Variants in EPB41L5 observed in about 807,000 individuals in gnomAD.
The protein encoded by EPB41L5 is band 4.1-like protein 5.
EPB41L5 carries 55 observed loss-of-function variants against 106.6 expected under a neutral mutation model. That is an observed-to-expected ratio of 0.52 (90% CI 0.42 to 0.65). EPB41L5 has a LOEUF of 0.65. EPB41L5 is among the 30% of genes least tolerant of loss of function. EPB41L5 has a pLI of 0.00. For missense variants in EPB41L5, 871 were observed against 882.1 expected, an observed-to-expected ratio of 0.99 and a Z score of 0.16; for synonymous variants, 297 against 306.7, an observed-to-expected ratio of 0.97 and a Z score of 0.33.
At chr2:120,075,349 G>T (rs530606597) in intron 5 of EPB41L5, 127 bp from the exon 6 acceptor site, 193 of 721,814 alleles carry the variant, frequency 2.7e-4, no homozygotes, top group Non-Finnish European at 3.6e-4. Context: ...CCCAAACTAT[G>T]CACATCTTTT....
chr2:120,170,016 T>C (rs981048537), intron 24 of EPB41L5, among the ~76,000 whole-genome samples: 4 of 152,206 alleles, frequency 2.6e-5, no homozygotes, highest in Admixed American at 2.6e-4. Context: ...GTGATTCTAT[T>C]TTTATATAAA....
Position 120,175,006 on chromosome 2 carries a change from T to C in EPB41L5, c.*99T>C. On this transcript the variant is annotated 3_prime_UTR_variant, in exon 25 of 25. Transcript: ENST00000263713. The stretch of plus-strand genomic sequence containing the variant: ...CAGGAGCTTGTCCATTATTTGTAGG[T>C]AAAAAAAGCTGCACGTAGATTTGAC... 1.7e-6 allele frequency: 2 copies of C among 1,172,590 alleles called. No individual in the cohort carries two copies. Among genetic ancestry groups the C allele is most frequent in the Non-Finnish European group, 2.6e-6 (2 of 782,890 alleles). 72.6% of individuals were successfully genotyped at this position (1,172,590 alleles called of 1,614,324 possible).
At chr2:120,084,083 G>A (rs1271850930) in intron 10 of EPB41L5, among the ~76,000 whole-genome samples, 3 of 152,120 alleles carry the variant, frequency 2.0e-5, no homozygotes, top group Non-Finnish European at 2.9e-5. Flanking sequence ...TTTAATTGGA[G>A]CATTTAGCCC....
Position 120,178,797 on chromosome 2 carries a change from A to T in EPB41L5, c.*3890A>T, listed in dbSNP as rs879718510. On this transcript the variant is annotated 3_prime_UTR_variant, in exon 25 of 25. Coordinates refer to ENST00000263713, the MANE Select transcript of EPB41L5 (RefSeq NM_020909.4). Reference sequence around the variant, plus strand: ...CTATGTCACCACATTGCTTGAGATGATCATTCAGTTACTTGTCAGGATTTC... The same window carrying T: ...CTATGTCACCACATTGCTTGAGATGTTCATTCAGTTACTTGTCAGGATTTC... The T allele has an allele frequency of 1.3e-5, 2 of 152,162 alleles. No individual in the cohort carries two copies. Among genetic ancestry groups the T allele is most frequent in the Non-Finnish European group, 2.9e-5 (2 of 68,032 alleles). 9.4% of individuals were successfully genotyped at this position (152,162 alleles called of 1,614,324 possible). A position where few individuals can be genotyped will look rare whatever the true frequency, so the allele number is the denominator to read the frequency against.
At chr2:120,081,800 A>C (rs1418523085) in intron 10 of EPB41L5, among the ~76,000 whole-genome samples, 1 of 152,152 alleles carries the variant, frequency 6.6e-6, no homozygotes. Context: ...AGTGGTTTGT[A>C]GTCCTCCTTG....
At chr2:120,104,163 C>G (rs1348908945) in intron 16 of EPB41L5, 9 of 1,535,930 alleles carry the variant, frequency 5.9e-6, no homozygotes, top group Non-Finnish European at 7.0e-6. Context: ...TGACTTTGTT[C>G]ATGAGCACAA....
At chr2:120,116,649 G>T (rs372766076) in intron 16 of EPB41L5, among the ~76,000 whole-genome samples, 1 of 151,930 alleles carries the variant, frequency 6.6e-6, no homozygotes, top group African/African-American at 2.4e-5. Flanking sequence ...CTCCCAAGTA[G>T]CTAGGACTAT....
At chr2:120,047,920 A>G (rs1679921439) in intron 3 of EPB41L5, among the ~76,000 whole-genome samples, 1 of 152,276 alleles carries the variant, frequency 6.6e-6, no homozygotes, top group Admixed American at 6.5e-5. Flanking sequence ...TGAGATAATC[A>G]TGTGTTTTTT....
At chr2:120,115,093 G>A (rs867220272) in intron 16 of EPB41L5, among the ~76,000 whole-genome samples, 5 of 151,704 alleles carry the variant, frequency 3.3e-5, no homozygotes, top group East Asian at 1.9e-4. Context: ...CCCTTTTTTC[G>A]TTAGTGTTTG....
chr2:120,150,363 C>T (rs1180529071), intron 20 of EPB41L5, among the ~76,000 whole-genome samples: 4 of 151,798 alleles, frequency 2.6e-5, no homozygotes, highest in Non-Finnish European at 5.9e-5. Context: ...GCTCAATCAC[C>T]CAGGCTGGAA....
At chr2:120,092,037 T>C (rs1033345764) in intron 13 of EPB41L5, among the ~76,000 whole-genome samples, 1 of 151,508 alleles carries the variant, frequency 6.6e-6, no homozygotes, top group Non-Finnish European at 1.5e-5. Context: ...TATTTATTTA[T>C]TTATTTATTT....
chr2:120,156,557 C>T (rs578122420), intron 20 of EPB41L5, among the ~76,000 whole-genome samples: 61 of 152,306 alleles, frequency 4.0e-4, no homozygotes, highest in African/African-American at 1.4e-3. Context: ...CATCAACTGC[C>T]ACTGCAGTCA....
At chr2:120,085,425 A>G (rs931912767) in intron 10 of EPB41L5, among the ~76,000 whole-genome samples, 22 of 152,214 alleles carry the variant, frequency 1.4e-4, no homozygotes. Flanking sequence ...AGAACAGCGA[A>G]TATTGCTGAA....
At chr2:120,112,953 T>G (rs1174569920) in intron 16 of EPB41L5, among the ~76,000 whole-genome samples, 1 of 152,232 alleles carries the variant, frequency 6.6e-6, no homozygotes, top group Non-Finnish European at 1.5e-5. Context: ...CCTTGGCTAC[T>G]GTACTGCCTC....
At chr2:120,131,064 G>A (rs1038947570) in intron 17 of EPB41L5, among the ~76,000 whole-genome samples, 1 of 152,182 alleles carries the variant, frequency 6.6e-6, no homozygotes, top group African/African-American at 2.4e-5. Context: ...ACTTTGTAAT[G>A]TATTTTGCCA....
At chr2:120,078,366 T>G in intron 9 of EPB41L5, 127 bp from the exon 10 acceptor site, 1 of 441,280 alleles carries the variant, frequency 2.3e-6, no homozygotes, top group Non-Finnish European at 4.0e-6. Context: ...TGAAAACATC[T>G]CATATATTAA....
intron 18 of EPB41L5, among the ~76,000 whole-genome samples, chr2:120,138,213 C>G (rs1482396903): frequency 6.6e-6 from 1 of 152,000 alleles, no homozygotes; most frequent in African/African-American, 2.4e-5. Context: ...GAACATACCT[C>G]AGCACACTAA....
chr2:120,075,880 G>A, intron 7 of EPB41L5, 127 bp downstream of exon 7: 1 of 754,982 alleles, frequency 1.3e-6, no homozygotes, highest in East Asian at 2.6e-5. Context: ...ACTTGTATCA[G>A]GGTCCAACTC....
At position 120,075,528 on chromosome 2, in the gene EPB41L5, T is replaced by C. The variant is rs1229516673; in HGVS notation, c.452+8T>C. The stretch of plus-strand genomic sequence containing the variant: ...AGATATTCTCAGTGGAAAGTGAGTA[T>C]TAGTTATTTAAGGATAAATGCACAT... On this transcript the variant is annotated splice_region_variant and intron_variant, in intron 6 of 24. Transcript: ENST00000263713. The C allele has an allele frequency of 6.5e-7, 1 of 1,541,620 alleles. No individual in the cohort carries two copies. The highest frequency in any genetic ancestry group is 1.4e-5 in the African/African-American group (1 of 73,234).
Sources: allele counts gnomAD v4.1 joint callset (sites outside exome capture counted in the v4.1 genomes callset), GRCh38; gene constraint gnomAD v4.1.1; transcripts MANE v1.5; gene names NCBI Gene and HGNC (gene_info 2026-07-23, HGNC 2026-07-21).